IL7R: variants seen among roughly 807,000 people sequenced by gnomAD.
IL7R encodes the protein interleukin 7 receptor, also known as interleukin-7 receptor subunit alpha.
Under a neutral mutation model 47.0 loss-of-function variants are expected in IL7R, and 38 were observed. The observed-to-expected ratio is 0.81, with a 90% CI of 0.62 to 1.06. The LOEUF is 1.06. IL7R is among the 50% of genes least tolerant of loss of function. IL7R has a pLI of 0.00. For synonymous variants in IL7R, 221 were observed against 199.8 expected (o/e 1.11, Z -0.89); for missense variants, 633 against 534.8 (o/e 1.18, Z -1.81).
At position 35,879,090 on chromosome 5, in the gene IL7R, AT is replaced by A. The variant is rs1378699480; in HGVS notation, c.*2605del. ...TTTCAGATTTTATTAGGAAAAAAAA[AT>A]AAACCTCCTGATCGGAGACAATGTA... On this transcript the variant is annotated 3_prime_UTR_variant, in exon 8 of 8. Transcript: ENST00000303115. 20 of 232,904 alleles carry A rather than the reference AT, an allele frequency of 8.6e-5. No individual in the cohort carries two copies. The highest frequency in any genetic ancestry group is 1.2e-4 in the Non-Finnish European group (14 of 117,828). 14.4% of individuals were successfully genotyped at this position (232,904 alleles called of 1,614,324 possible). A position where few individuals can be genotyped will look rare whatever the true frequency, so the allele number is the denominator to read the frequency against.
At chr5:35,861,084 C>T (rs1169492585) in intron 2 of IL7R, 94 bp downstream of exon 2, 4 of 1,317,956 alleles carry the variant, frequency 3.0e-6, no homozygotes, top group Non-Finnish European at 4.4e-6. Flanking sequence ...AATATGTGGC[C>T]TAATTAACAA....
In IL7R at chr5:35,871,158, A is replaced by C; in HGVS notation, c.482A>C (p.Lys161Thr). ...TCACACTTGCAAAAGAAGTATGTAA[A>C]AGTTTTAATGCACGATGTAGCTTAC... The part of the protein sequence containing the change: ...NTSHLQKKYV[K>T]VLMHDVAYRQ... Residue 161 changes from lysine (K) to threonine (T), a missense_variant, in exon 4 of 8, where the codon AAA becomes ACA. Physicochemically the swap from Lys to Thr is moderately conservative, Grantham distance 78 (BLOSUM62 -1). Coordinates refer to ENST00000303115, the MANE Select transcript of IL7R (RefSeq NM_002185.5). The C allele has an allele frequency of 1.2e-6, 2 of 1,613,484 alleles. No homozygotes were observed. The highest frequency in any genetic ancestry group is 1.7e-6 in the Non-Finnish European group (2 of 1,179,410).
intron 4 of IL7R, among the ~76,000 whole-genome samples, chr5:35,871,609 C>A (rs1473140051): frequency 6.6e-6 from 1 of 152,198 alleles, no homozygotes; most frequent in Admixed American, 6.5e-5. Context: ...TTATGAGATT[C>A]ATGGGACCAG....
In IL7R at chr5:35,878,429, A is replaced by G. The variant is rs1178288366; in HGVS notation, c.*1943A>G. The G allele has an allele frequency of 4.3e-6, 1 of 232,986 alleles. No individual in the cohort carries two copies. The highest frequency in any genetic ancestry group is 2.2e-5 in the African/African-American group (1 of 45,350). 14.4% of individuals were successfully genotyped at this position (232,986 alleles called of 1,614,324 possible). A position where few individuals can be genotyped will look rare whatever the true frequency, so the allele number is the denominator to read the frequency against. On this transcript the variant is annotated 3_prime_UTR_variant, in exon 8 of 8. Coordinates refer to ENST00000303115, the MANE Select transcript of IL7R (RefSeq NM_002185.5). ...CCTAATGAAAGTGACTGCTTGGTAA[A>G]CAAATTATTATTATATTATAAAATG...
At chr5:35,875,229 G>T (rs980886326) in intron 6 of IL7R, among the ~76,000 whole-genome samples, 5 of 152,164 alleles carry the variant, frequency 3.3e-5, no homozygotes, top group African/African-American at 1.2e-4. Flanking sequence ...TGCAAGCCTT[G>T]GTGTTCCTTC....
chr5:35,860,454 T>C (rs896067256), intron 1 of IL7R, among the ~76,000 whole-genome samples: 2 of 152,164 alleles, frequency 1.3e-5, no homozygotes, highest in African/African-American at 4.8e-5. Context: ...ATGGGGATAA[T>C]GGAAATAAAG....
intron 1 of IL7R, among the ~76,000 whole-genome samples, chr5:35,858,495 T>C (rs770337081): frequency 2.6e-5 from 4 of 152,200 alleles, no homozygotes; most frequent in Non-Finnish European, 5.9e-5. Context: ...TTCCACACAA[T>C]TTAAATTTTT....
chr5:35,871,953 T>C (rs992018281), intron 4 of IL7R, among the ~76,000 whole-genome samples: 1 of 152,186 alleles, frequency 6.6e-6, no homozygotes, highest in Non-Finnish European at 1.5e-5. Context: ...TCCTGTTTTT[T>C]CAGGCCAAGA....
intron 2 of IL7R, among the ~76,000 whole-genome samples, chr5:35,865,494 C>A (rs551779205): frequency 6.6e-6 from 1 of 152,248 alleles, no homozygotes; most frequent in South Asian, 2.1e-4. Flanking sequence ...ATGGCTGGGT[C>A]AAATAGTATT....
At position 35,856,953 on chromosome 5, in the gene IL7R, ACT is replaced by A. The variant is rs760977768; in HGVS notation, c.-14_-13del. The A allele has an allele frequency of 3.5e-4, 448 of 1,292,696 alleles. No individual in the cohort carries two copies. Among genetic ancestry groups the A allele is most frequent in the Non-Finnish European group, 4.3e-4 (384 of 892,034 alleles). The allele number at this position is 1,292,696 out of a possible 1,614,324, so 80.1% of individuals were successfully genotyped here. On this transcript the variant is annotated 5_prime_UTR_variant, in exon 1 of 8. Transcript: ENST00000303115. Reference sequence around the variant, plus strand: ...TTCATACACACTGGCTCACACATCTACTCTCTCTCTCTATCTCTCTCAGAATG... The same window carrying A: ...TTCATACACACTGGCTCACACATCTACTCTCTCTCTATCTCTCTCAGAATG...
rs987830804 is a variant in IL7R, at chr5:35,877,170, C to A, written c.*684C>A. ...AGGGTGTGCCTAGATAATTTATGAT[C>A]CAAACTGAGTCAGTTTGGAAAGTGA... On this transcript the variant is annotated 3_prime_UTR_variant, in exon 8 of 8. Transcript: ENST00000303115. 1.3e-5 allele frequency: 3 copies of A among 233,224 alleles called. No individual in the cohort carries two copies. The highest frequency in any genetic ancestry group is 6.6e-5 in the African/African-American group (3 of 45,320). The allele number at this position is 233,224 out of a possible 1,614,324, so 14.4% of individuals were successfully genotyped here. A position where few individuals can be genotyped will look rare whatever the true frequency, so the allele number is the denominator to read the frequency against.
chr5:35,878,904 A>G lies in IL7R; in HGVS notation c.*2418A>G. On this transcript the variant is annotated 3_prime_UTR_variant, in exon 8 of 8. Transcript: ENST00000303115. ...ATCCTTTGTTTCAATGTTGTTTGGC[A>G]TATGTTATCTTTGGAATTTAGTGTC... The G allele has an allele frequency of 4.3e-6, 1 of 232,990 alleles. No individual in the cohort carries two copies. Among genetic ancestry groups the G allele is most frequent in the Non-Finnish European group, 8.5e-6 (1 of 117,894 alleles). The allele number at this position is 232,990 out of a possible 1,614,324, so 14.4% of individuals were successfully genotyped here.
chr5:35,865,366 A>G (rs1759915472), intron 2 of IL7R, among the ~76,000 whole-genome samples: 1 of 152,132 alleles, frequency 6.6e-6, no homozygotes, highest in South Asian at 2.1e-4. Context: ...TCATTGATGG[A>G]CATTTGGCTT....
At chr5:35,875,294 G>T (rs567214606) in intron 6 of IL7R, 9 of 601,462 alleles carry the variant, frequency 1.5e-5, no homozygotes, top group African/African-American at 1.5e-4. Flanking sequence ...TCACAGAATG[G>T]ATTGATATCT....
At chr5:35,863,144 C>T (rs933705509) in intron 2 of IL7R, among the ~76,000 whole-genome samples, 18 of 152,036 alleles carry the variant, frequency 1.2e-4, no homozygotes, top group Non-Finnish European at 1.5e-4. Context: ...CCTAAACAAT[C>T]GCACACTCTA....
rs1760286074 is a variant in IL7R, at chr5:35,878,982, A to C, written c.*2496A>C. On this transcript the variant is annotated 3_prime_UTR_variant, in exon 8 of 8. Coordinates refer to ENST00000303115, the MANE Select transcript of IL7R (RefSeq NM_002185.5). ...TAAAATGCATGTATTATAATCATAT[A>C]ATCATAACTGCTGTTAATTCTTGAT... The C allele has an allele frequency of 4.3e-6, 1 of 232,852 alleles. No individual in the cohort carries two copies. Among genetic ancestry groups the C allele is most frequent in the Admixed American group, 5.6e-5 (1 of 17,770 alleles). The allele number at this position is 232,852 out of a possible 1,614,324, so 14.4% of individuals were successfully genotyped here. A position where few individuals can be genotyped will look rare whatever the true frequency, so the allele number is the denominator to read the frequency against.
intron 3 of IL7R, among the ~76,000 whole-genome samples, chr5:35,869,883 A>G (rs1209413952): frequency 6.6e-6 from 1 of 152,148 alleles, no homozygotes; most frequent in African/African-American, 2.4e-5. Flanking sequence ...AAACAAAGTC[A>G]TTACTTTTTT....
rs777036777 is a variant in IL7R, at chr5:35,875,594, GT to G, written c.876+12del. On this transcript the variant is annotated splice_region_variant and intron_variant, in intron 7 of 7. Transcript: ENST00000303115. ...TTGTAAGAAACCAAGAAAAGTGAGT[GT>G]TTTTGGTGCTTAAAAAGTGTTGTGT... 5.0e-6 allele frequency: 8 copies of G among 1,604,580 alleles called. No homozygotes were observed. The South Asian group carries it at 8.8e-5, about 18-fold the overall frequency.
chr5:35,869,517 A>G (rs1238240101), intron 3 of IL7R, among the ~76,000 whole-genome samples: 2 of 152,178 alleles, frequency 1.3e-5, no homozygotes, highest in Non-Finnish European at 2.9e-5. Context: ...CCTTTAAACC[A>G]TTTTACAGGG....
Sources: gnomAD v4.1 joint callset for allele counts (sites outside exome capture counted in the v4.1 genomes callset) on GRCh38, gnomAD v4.1.1 for gene constraint, MANE v1.5 for transcripts, NCBI Gene and HGNC (gene_info 2026-07-23, HGNC 2026-07-21) for gene names.